Variants in FANCC observed in about 807,000 individuals in gnomAD.
FANCC encodes the protein Fanconi anemia group C protein.
Under a neutral mutation model 71.3 loss-of-function variants are expected in FANCC, and 55 were observed. That is an observed-to-expected ratio of 0.77 (90% CI 0.62 to 0.97). The LOEUF (loss-of-function observed/expected upper bound fraction) is 0.97, where lower values mean the gene tolerates loss of function less well. Ranked by LOEUF, FANCC falls within the 50% of genes least tolerant of loss-of-function variation. The probability of loss-of-function intolerance (pLI) is 0.00; values close to 1 mark genes in which losing one functional copy is unlikely to be tolerated. For missense variants in FANCC, 678 were observed against 670.9 expected, an observed-to-expected ratio of 1.01 and a Z score of -0.12; for synonymous variants, 275 against 244.9, an observed-to-expected ratio of 1.12 and a Z score of -1.15.
intron 11 of FANCC, 95 bp downstream of exon 11, chr9:95,117,220 C>A: frequency 9.4e-7 from 1 of 1,068,858 alleles, no homozygotes; most frequent in Non-Finnish European, 1.4e-6. Context: ...CTGTCTCCCT[C>A]ATGCTGTAGA....
chr9:95,293,904 T>C (rs1834216517), intron 1 of FANCC: 3 of 1,597,680 alleles, frequency 1.9e-6, no homozygotes, highest in South Asian at 1.1e-5. Flanking sequence ...TGAGTGTTCA[T>C]TCATCATATA....
chr9:95,316,607 G>C (rs1835753773), intron 1 of FANCC, among the ~76,000 whole-genome samples: 1 of 152,164 alleles, frequency 6.6e-6, no homozygotes, highest in Non-Finnish European at 1.5e-5. Flanking sequence ...AGATGCCCGG[G>C]AGTTTTCCAA....
intron 4 of FANCC, among the ~76,000 whole-genome samples, chr9:95,232,321 T>G (rs2136000131): frequency 6.6e-6 from 1 of 152,332 alleles, no homozygotes; most frequent in Non-Finnish European, 1.5e-5. Context: ...ACATGAGTTT[T>G]GGGTGGGACA....
At chr9:95,180,956 T>A (rs1424694763) in intron 4 of FANCC, among the ~76,000 whole-genome samples, 1 of 152,084 alleles carries the variant, frequency 6.6e-6, no homozygotes, top group Non-Finnish European at 1.5e-5. Context: ...CATGTCATTA[T>A]AAGGCACATG....
At chr9:95,296,391 A>C (rs932470344) in intron 1 of FANCC, among the ~76,000 whole-genome samples, 1 of 152,202 alleles carries the variant, frequency 6.6e-6, no homozygotes, top group African/African-American at 2.4e-5. Context: ...AAATAGGTGG[A>C]AAAACTCAAC....
At chr9:95,253,564 A>C (rs1831482278) in intron 1 of FANCC, among the ~76,000 whole-genome samples, 1 of 152,178 alleles carries the variant, frequency 6.6e-6, no homozygotes, top group South Asian at 2.1e-4. Context: ...TCCGGCTTCC[A>C]TTCAAAATAA....
chr9:95,124,315 A>C (rs556602656), intron 10 of FANCC, among the ~76,000 whole-genome samples: 231 of 152,224 alleles, frequency 1.5e-3, no homozygotes, highest in Middle Eastern at 3.4e-3. Flanking sequence ...TGTGTCCCAT[A>C]AACATTACTT....
chr9:95,132,454 T>A (rs1827049051), intron 8 of FANCC, among the ~76,000 whole-genome samples: 1 of 152,196 alleles, frequency 6.6e-6, no homozygotes, highest in Non-Finnish European at 1.5e-5. Context: ...TCTGAAGCTA[T>A]GGATTATGGT....
chr9:95,209,011 A>C (rs1828324375), intron 4 of FANCC, among the ~76,000 whole-genome samples: 1 of 152,176 alleles, frequency 6.6e-6, no homozygotes, highest in Non-Finnish European at 1.5e-5. Context: ...AAAGCAACCA[A>C]GATGACCTTC....
At chr9:95,183,560 A>G (rs1382239918) in intron 4 of FANCC, among the ~76,000 whole-genome samples, 1 of 152,256 alleles carries the variant, frequency 6.6e-6, no homozygotes, top group African/African-American at 2.4e-5. Flanking sequence ...CCTAAGTTGC[A>G]GGTCATAAAA....
At chr9:95,242,479 C>CAAAAAAAAAAAAAAA (rs1162048314) in intron 3 of FANCC, among the ~76,000 whole-genome samples, 4 of 56,234 alleles carry the variant, frequency 7.1e-5, no homozygotes, top group Non-Finnish European at 1.5e-4. Context: ...CATTCACCAC[C>CAAAAAAAAAAAAAAA]AAAAAAAAAA....
intron 1 of FANCC, among the ~76,000 whole-genome samples, chr9:95,305,061 TACAA>T (rs1055705641): frequency 1.3e-4 from 20 of 152,314 alleles, no homozygotes; most frequent in African/African-American, 2.4e-4. Context: ...GAGGATCGCT[TACAA>T]ACAGTCACTT....
chr9:95,308,813 T>C (rs1276498382), intron 1 of FANCC, among the ~76,000 whole-genome samples: 9 of 152,186 alleles, frequency 5.9e-5, no homozygotes, highest in Non-Finnish European at 1.3e-4. Flanking sequence ...TAGCTTTTAA[T>C]ACCTTCAAAG....
At chr9:95,315,516 G>A (rs553986657) in intron 1 of FANCC, among the ~76,000 whole-genome samples, 35 of 152,316 alleles carry the variant, frequency 2.3e-4, no homozygotes, top group African/African-American at 8.4e-4. Context: ...AAGCCACCAT[G>A]CTCTGCCTGT....
chr9:95,237,339 T>C (rs1055390125), intron 4 of FANCC, among the ~76,000 whole-genome samples: 4 of 152,240 alleles, frequency 2.6e-5, no homozygotes, highest in African/African-American at 9.6e-5. Flanking sequence ...CCTCCTTTAC[T>C]GCCAAGTTTC....
chr9:95,280,367 A>T (rs1833309805), intron 1 of FANCC, among the ~76,000 whole-genome samples: 1 of 152,160 alleles, frequency 6.6e-6, no homozygotes, highest in South Asian at 2.1e-4. Flanking sequence ...TAGATAAAAC[A>T]ACTAGAAAGA....
At chr9:95,248,740 A>G (rs537644595) in intron 2 of FANCC, among the ~76,000 whole-genome samples, 7 of 152,216 alleles carry the variant, frequency 4.6e-5, no homozygotes, top group South Asian at 4.1e-4. Context: ...AGAGATCTTA[A>G]TATCTATCAT....
Position 95,196,093 on chromosome 9 carries a change from G to A in FANCC, c.346-23946C>T, listed in dbSNP as rs144675729. ...AATGGTTTTTCTTCCTTTACAATAT[G>A]CAGGCCTTTTATTTCTTTTTCTTGA... is the stretch of plus-strand genomic sequence containing the variant. On this transcript the variant is annotated intron_variant, in intron 4 of 14. Coordinates refer to ENST00000289081, the MANE Select transcript of FANCC (RefSeq NM_000136.3). Among the ~76,000 whole-genome samples, 384 of 152,176 alleles carry A rather than the reference G, an allele frequency of 2.5e-3. 2 individuals carry two copies. The highest frequency in any genetic ancestry group is 8.8e-3 in the African/African-American group (367 of 41,524).
chr9:95,107,142 A>G lies in FANCC; in HGVS notation c.1457T>C (p.Leu486Pro), dbSNP rs753031127. The change falls in exon 14 of 15, where the codon CTG becomes CCG. Residue 486 changes from leucine to proline, a missense_variant. Leu to Pro is a moderately conservative substitution (Grantham distance 98, BLOSUM62 -3). Transcript: ENST00000289081. ...GAAGTTGAGGAGAAGGTGCCTGATCAGCTGTTGTGCAGGAGCTCTGAGGTC... is the reference window on the plus strand; with the variant it reads ...GAAGTTGAGGAGAAGGTGCCTGATCGGCTGTTGTGCAGGAGCTCTGAGGTC... Reference protein sequence around the residue: ...DTDLRAPAQQLIRHLLLNFLL... With the variant: ...DTDLRAPAQQPIRHLLLNFLL... 1.2e-6 allele frequency: 2 copies of G among 1,614,204 alleles called. No individual in the cohort carries two copies. Among genetic ancestry groups the G allele is most frequent in the South Asian group, 2.2e-5 (2 of 91,080 alleles).
Sources: gnomAD v4.1 joint callset for allele counts (sites outside exome capture counted in the v4.1 genomes callset) on GRCh38, gnomAD v4.1.1 for gene constraint, MANE v1.5 for transcripts, NCBI Gene and HGNC (gene_info 2026-07-23, HGNC 2026-07-21) for gene names.